Variants in MPDZ observed in about 807,000 individuals in gnomAD.
The protein encoded by MPDZ is multiple PDZ domain crumbs cell polarity complex component.
A neutral mutation model predicts 239.1 loss-of-function variants in MPDZ; 234 were observed. The observed-to-expected ratio is 0.98, with a 90% CI of 0.88 to 1.09. The LOEUF is 1.09. Ranked by LOEUF, MPDZ falls within the 50% of genes least tolerant of loss-of-function variation. The probability of loss-of-function intolerance (pLI) is 0.00; values close to 1 mark genes in which losing one functional copy is unlikely to be tolerated. For synonymous variants in MPDZ, 1,048 were observed against 881.3 expected (o/e 1.19, Z -3.35); for missense variants, 3,175 against 2,510.0 (o/e 1.26, Z -5.66).
At chr9:13,252,114 C>T (rs1968196073) in intron 1 of MPDZ, among the ~76,000 whole-genome samples, 1 of 152,224 alleles carries the variant, frequency 6.6e-6, no homozygotes, top group Non-Finnish European at 1.5e-5. Context: ...CATTCCAATG[C>T]CGAGCATTGC....
At chr9:13,128,209 G>A (rs1945401910) in intron 32 of MPDZ, among the ~76,000 whole-genome samples, 2 of 152,178 alleles carry the variant, frequency 1.3e-5, no homozygotes, top group East Asian at 3.9e-4. Context: ...GCATGGGCTA[G>A]ACTTAGTGAC....
intron 1 of MPDZ, among the ~76,000 whole-genome samples, chr9:13,256,172 C>A (rs1969381805): frequency 6.6e-6 from 1 of 152,172 alleles, no homozygotes; most frequent in African/African-American, 2.4e-5. Flanking sequence ...ATTTTTTCTG[C>A]AGCTCCGTCA....
chr9:13,242,840 T>G (rs1241905796), intron 3 of MPDZ, among the ~76,000 whole-genome samples: 1 of 152,176 alleles, frequency 6.6e-6, no homozygotes, highest in East Asian at 1.9e-4. Flanking sequence ...GGCTGTGCTG[T>G]ACATTGAAGG....
intron 39 of MPDZ, among the ~76,000 whole-genome samples, chr9:13,116,177 T>C (rs996183337): frequency 1.1e-4 from 16 of 152,084 alleles, no homozygotes; most frequent in African/African-American, 2.4e-4. Flanking sequence ...AAATAAACCA[T>C]AGGCATGCAA....
intron 10 of MPDZ, among the ~76,000 whole-genome samples, chr9:13,212,033 C>G (rs1441950722): frequency 6.6e-6 from 1 of 152,062 alleles, no homozygotes; most frequent in Non-Finnish European, 1.5e-5. Context: ...CATGAAAATT[C>G]ATAAAATGCA....
chr9:13,137,312 A>G (rs1200791657), intron 29 of MPDZ, among the ~76,000 whole-genome samples: 4 of 152,160 alleles, frequency 2.6e-5, no homozygotes, highest in African/African-American at 9.7e-5. Flanking sequence ...AACGCAAATG[A>G]CTGGCTCAGT....
chr9:13,188,732 G>A (rs1954492252), intron 17 of MPDZ, 52 bp downstream of exon 17: 1 of 1,528,860 alleles, frequency 6.5e-7, no homozygotes, highest in Non-Finnish European at 8.9e-7. Flanking sequence ...GTAGACCTAT[G>A]AACCATTTTG....
intron 10 of MPDZ, among the ~76,000 whole-genome samples, chr9:13,209,630 T>C (rs973451170): frequency 1.3e-5 from 2 of 152,314 alleles, no homozygotes; most frequent in Admixed American, 6.5e-5. Context: ...TGCATGTATC[T>C]TCCTATGAAG....
chr9:13,198,737 C>CTGTGTGTGTGTG (rs1554691393), intron 12 of MPDZ, among the ~76,000 whole-genome samples: 52 of 69,720 alleles, frequency 7.5e-4, no homozygotes, highest in Middle Eastern at 8.9e-3. Context: ...ATCTCTCTCT[C>CTGTGTGTGTGTG]TGTGTGTGTG....
intron 32 of MPDZ, among the ~76,000 whole-genome samples, chr9:13,131,350 T>A: frequency 6.6e-6 from 1 of 152,158 alleles, no homozygotes; most frequent in East Asian, 1.9e-4. Flanking sequence ...TAATAATAAC[T>A]CACACTGTGG....
intron 1 of MPDZ, among the ~76,000 whole-genome samples, chr9:13,264,843 A>G (rs543008731): frequency 6.6e-6 from 1 of 152,276 alleles, no homozygotes; most frequent in South Asian, 2.1e-4. Flanking sequence ...GAAAGATTTA[A>G]GTTCTGAGAA....
In MPDZ at chr9:13,106,723, G is replaced by T; in HGVS notation, c.*242C>A. ...TAGATATCTCCACAAATAAAAACGAGATTCACCTACACAAATATTCCTTCT... is the reference window on the plus strand; with the variant it reads ...TAGATATCTCCACAAATAAAAACGATATTCACCTACACAAATATTCCTTCT... On this transcript the variant is annotated 3_prime_UTR_variant, in exon 47 of 47. Coordinates refer to ENST00000319217, the MANE Select transcript of MPDZ (RefSeq NM_001378778.1). The T allele has an allele frequency of 2.3e-6, 1 of 428,854 alleles. No homozygotes were observed. The highest frequency in any genetic ancestry group is 4.2e-6 in the Non-Finnish European group (1 of 238,244). The allele number at this position is 428,854 out of a possible 1,614,324, so 26.6% of individuals were successfully genotyped here. A position where few individuals can be genotyped will look rare whatever the true frequency, so the allele number is the denominator to read the frequency against.
intron 3 of MPDZ, among the ~76,000 whole-genome samples, chr9:13,246,876 C>T (rs1966698702): frequency 6.6e-6 from 1 of 152,152 alleles, no homozygotes; most frequent in Non-Finnish European, 1.5e-5. Context: ...ATGAGATTGA[C>T]TTCAAACCTT....
chr9:13,120,870 A>G (rs1329495785), intron 38 of MPDZ, among the ~76,000 whole-genome samples: 1 of 152,208 alleles, frequency 6.6e-6, no homozygotes, highest in Non-Finnish European at 1.5e-5. Flanking sequence ...AAATGACAAA[A>G]TAAACTTAGA....
At chr9:13,175,106 C>T (rs544702908) in intron 21 of MPDZ, among the ~76,000 whole-genome samples, 4 of 152,300 alleles carry the variant, frequency 2.6e-5, no homozygotes, top group Admixed American at 2.6e-4. Context: ...AAAGACAGGG[C>T]TGAGTCACAT....
At chr9:13,117,135 G>C (rs1201028397) in intron 39 of MPDZ, among the ~76,000 whole-genome samples, 1 of 152,102 alleles carries the variant, frequency 6.6e-6, no homozygotes, top group South Asian at 2.1e-4. Flanking sequence ...ACAATGTGCT[G>C]TAATAAAAGT....
intron 26 of MPDZ, among the ~76,000 whole-genome samples, chr9:13,143,962 A>T (rs1587201812): frequency 6.6e-6 from 1 of 151,940 alleles, no homozygotes; most frequent in South Asian, 2.1e-4. Context: ...CTAAAAGCTA[A>T]TTTTTTTTAA....
chr9:13,222,237 T>G lies in MPDZ; in HGVS notation c.743A>C (p.Asn248Thr), dbSNP rs766916168. The G allele has an allele frequency of 6.2e-7, 1 of 1,611,894 alleles. No individual in the cohort carries two copies. Among genetic ancestry groups the G allele is most frequent in the South Asian group, 1.1e-5 (1 of 90,956 alleles). ...TTGAAAATTTTAGGTACTCACCGGA[T>G]TAGAGTGAGCTGAAATTGTGCTGGC... ...SAASTISAHS[N>T]PVHWQHMETI... Residue 248 changes from asparagine (N) to threonine (T), a missense_variant, in exon 6 of 47, where the codon AAT becomes ACT. Asn to Thr is a moderately conservative substitution (Grantham distance 65). Transcript: ENST00000319217.
At chr9:13,122,219 A>C in intron 36 of MPDZ, 49 bp from the exon 37 acceptor site, 1 of 1,553,938 alleles carries the variant, frequency 6.4e-7, no homozygotes, top group Non-Finnish European at 8.9e-7. Context: ...TCTCCTAGGA[A>C]TGGTGAGCAG....
Sources: allele counts gnomAD v4.1 joint callset (sites outside exome capture counted in the v4.1 genomes callset), GRCh38; gene constraint gnomAD v4.1.1; transcripts MANE v1.5; gene names NCBI Gene and HGNC (gene_info 2026-07-23, HGNC 2026-07-21).